Variants in CELF2 observed in about 807,000 individuals in gnomAD.
CELF2 encodes CUGBP Elav-like family member 2.
Under a neutral mutation model 62.6 loss-of-function variants are expected in CELF2, and 8 were observed. The observed-to-expected ratio is 0.13, with a 90% CI of 0.07 to 0.23. The LOEUF (loss-of-function observed/expected upper bound fraction) is 0.23, where lower values mean the gene tolerates loss of function less well. Among genes scored for constraint, CELF2 ranks in the 10% least tolerant of loss-of-function variants. The pLI is 1.00. For synonymous variants in CELF2, 258 were observed against 250.0 expected, an observed-to-expected ratio of 1.03 and a Z score of -0.30; for missense variants, 333 against 671.0, an observed-to-expected ratio of 0.50 and a Z score of 5.56.
At chr10:11,254,232 G>A (rs186056844) in intron 4 of CELF2, among the ~76,000 whole-genome samples, 2 of 152,370 alleles carry the variant, frequency 1.3e-5, no homozygotes, top group Non-Finnish European at 2.9e-5. Flanking sequence ...AGAAAGCCGG[G>A]TGTGTTCAGT....
intron 1 of CELF2, among the ~76,000 whole-genome samples, chr10:10,873,995 A>T (rs2060922799): frequency 6.6e-6 from 1 of 152,176 alleles, no homozygotes. Flanking sequence ...GTTGATGTAA[A>T]TAATGTGCTG....
chr10:11,325,804 T>A, intron 11 of CELF2, 32 bp from the exon 12 acceptor site: 1 of 1,576,584 alleles, frequency 6.3e-7, no homozygotes, highest in Non-Finnish European at 8.6e-7. Flanking sequence ...ACTCAAGGGA[T>A]ACCTTACTCT....
At chr10:10,799,083 A>T (rs1006524245) in intron 1 of CELF2, among the ~76,000 whole-genome samples, 1 of 152,192 alleles carries the variant, frequency 6.6e-6, no homozygotes, top group Non-Finnish European at 1.5e-5. Context: ...AAATGACACC[A>T]GCTGACTCGC....
intron 1 of CELF2, among the ~76,000 whole-genome samples, chr10:10,823,523 G>A (rs1311353695): frequency 6.6e-6 from 1 of 152,082 alleles, no homozygotes; most frequent in East Asian, 1.9e-4. Flanking sequence ...ATAACATAAG[G>A]GCTTTTGTTA....
the CELF2 span, among the ~76,000 whole-genome samples, chr10:10,707,419 G>T: frequency 6.6e-6 from 1 of 152,146 alleles, no homozygotes; most frequent in Non-Finnish European, 1.5e-5. Context: ...CCCAAATGAA[G>T]TAAATGTCAG....
At chr10:10,480,312 C>T in the CELF2 span, among the ~76,000 whole-genome samples, 1 of 152,204 alleles carries the variant, frequency 6.6e-6, no homozygotes, top group African/African-American at 2.4e-5. Context: ...AGCACTGAAG[C>T]AGTGGATCCC....
At chr10:11,104,048 C>T (rs965787463) in intron 1 of CELF2, among the ~76,000 whole-genome samples, 1 of 152,164 alleles carries the variant, frequency 6.6e-6, no homozygotes, top group Non-Finnish European at 1.5e-5. Flanking sequence ...TGACACTACC[C>T]TTTTGCTCTT....
At chr10:10,964,910 A>G (rs1442475457) in intron 2 of CELF2, among the ~76,000 whole-genome samples, 2 of 152,112 alleles carry the variant, frequency 1.3e-5, no homozygotes, top group Non-Finnish European at 2.9e-5. Flanking sequence ...TTTCTGGTCA[A>G]TGGGAAAATA....
chr10:10,528,765 A>G, the CELF2 span, among the ~76,000 whole-genome samples: 2 of 152,218 alleles, frequency 1.3e-5, no homozygotes, highest in African/African-American at 2.4e-5. Flanking sequence ...TAATTCACTC[A>G]TGACTCATTG....
chr10:11,266,873 T>G (rs1308786178), intron 6 of CELF2, among the ~76,000 whole-genome samples, 196 bp downstream of exon 6: 1 of 152,158 alleles, frequency 6.6e-6, no homozygotes, highest in African/African-American at 2.4e-5. Flanking sequence ...CCTAATGACT[T>G]GAAATGCATT....
At chr10:10,905,099 C>A (rs1327353231) in intron 1 of CELF2, among the ~76,000 whole-genome samples, 1 of 152,186 alleles carries the variant, frequency 6.6e-6, no homozygotes, top group East Asian at 1.9e-4. Flanking sequence ...CAAGTTTCCA[C>A]ATCTGAAGAA....
intron 2 of CELF2, among the ~76,000 whole-genome samples, chr10:11,187,574 C>CCG (rs1337035920): frequency 1.9e-5 from 2 of 104,652 alleles, no homozygotes; most frequent in African/African-American, 9.4e-5. Context: ...ACTAAGGTCG[C>CCG]CCCCCCCCCA....
chr10:10,874,122 G>A (rs755075856), intron 1 of CELF2, among the ~76,000 whole-genome samples: 9 of 152,096 alleles, frequency 5.9e-5, no homozygotes, highest in Non-Finnish European at 1.3e-4. Context: ...CACCAGCCAG[G>A]GCAACGTAGC....
intron 1 of CELF2, among the ~76,000 whole-genome samples, chr10:10,880,295 T>TG (rs976774981): frequency 6.6e-6 from 1 of 152,150 alleles, no homozygotes; most frequent in African/African-American, 2.4e-5. Flanking sequence ...CTCCCATGCC[T>TG]GCTGTTAAGG....
chr10:10,921,523 C>T (rs916325457), intron 2 of CELF2, among the ~76,000 whole-genome samples: 2 of 152,246 alleles, frequency 1.3e-5, no homozygotes, highest in East Asian at 1.9e-4. Flanking sequence ...CTGTCTCGGC[C>T]TCCCAAGGTG....
At chr10:11,086,600 A>AAC in intron 1 of CELF2, among the ~76,000 whole-genome samples, 1 of 140,698 alleles carries the variant, frequency 7.1e-6, no homozygotes, top group Non-Finnish European at 1.5e-5. Context: ...AAAAAAAAAA[A>AAC]AAAAAAAAAA....
intron 9 of CELF2, among the ~76,000 whole-genome samples, chr10:11,303,945 G>C (rs1012424073): frequency 6.6e-6 from 1 of 152,206 alleles, no homozygotes; most frequent in African/African-American, 2.4e-5. Context: ...ACGTGCTTTT[G>C]GCAATGAGCA....
chr10:10,490,864 C>T, the CELF2 span, among the ~76,000 whole-genome samples: 5 of 152,112 alleles, frequency 3.3e-5, no homozygotes, highest in African/African-American at 1.2e-4. Flanking sequence ...TAAAGACAAG[C>T]TTCTATACAA....
At chr10:10,512,871 T>C in the CELF2 span, among the ~76,000 whole-genome samples, 131 of 152,290 alleles carry the variant, frequency 8.6e-4, no homozygotes, top group Middle Eastern at 3.4e-3. Context: ...TAGTGGGTGG[T>C]CAAATCAATA....
Sources: allele counts gnomAD v4.1 joint callset (sites outside exome capture counted in the v4.1 genomes callset), GRCh38; gene constraint gnomAD v4.1.1; transcripts MANE v1.5; gene names NCBI Gene and HGNC (gene_info 2026-07-23, HGNC 2026-07-21).